Variants in PLCB1 observed in about 807,000 individuals in gnomAD.
PLCB1 encodes 1-phosphatidylinositol 4,5-bisphosphate phosphodiesterase beta-1.
A neutral mutation model predicts 161.8 loss-of-function variants in PLCB1; 46 were observed. That is an observed-to-expected ratio of 0.28 (90% CI 0.22 to 0.36). PLCB1 has a LOEUF of 0.36. Ranked by LOEUF, PLCB1 falls within the 10% of genes least tolerant of loss-of-function variation. The probability of loss-of-function intolerance (pLI) is 1.00; values close to 1 mark genes in which losing one functional copy is unlikely to be tolerated. For synonymous variants in PLCB1, 517 were observed against 503.7 expected (o/e 1.03, Z -0.35); for missense variants, 1,016 against 1,472.5 (o/e 0.69, Z 5.07).
intron 3 of PLCB1, among the ~76,000 whole-genome samples, chr20:8,479,978 A>T (rs1184276188): frequency 2.0e-5 from 3 of 152,206 alleles, no homozygotes; most frequent in Non-Finnish European, 4.4e-5. Context: ...TGTAATAGTG[A>T]TGGTGAACTA....
chr20:8,366,522 A>T (rs962969539), intron 2 of PLCB1, among the ~76,000 whole-genome samples: 4 of 152,242 alleles, frequency 2.6e-5, no homozygotes, highest in African/African-American at 9.6e-5. Flanking sequence ...TAAAAGTCCA[A>T]GGTCTTTTGT....
At chr20:8,323,841 T>C (rs543361267) in intron 2 of PLCB1, among the ~76,000 whole-genome samples, 1 of 149,320 alleles carries the variant, frequency 6.7e-6, no homozygotes, top group Non-Finnish European at 1.5e-5. Flanking sequence ...CTTAACCTAA[T>C]ACCATGCTTA....
At chr20:8,396,691 T>C (rs1987777137) in intron 3 of PLCB1, among the ~76,000 whole-genome samples, 1 of 152,112 alleles carries the variant, frequency 6.6e-6, no homozygotes, top group Non-Finnish European at 1.5e-5. Context: ...ATAAGTTGCC[T>C]TCGTGGTTTA....
chr20:8,612,398 G>A (rs1165896923), intron 3 of PLCB1, among the ~76,000 whole-genome samples: 1 of 152,140 alleles, frequency 6.6e-6, no homozygotes, highest in African/African-American at 2.4e-5. Context: ...CAGCTCTCAA[G>A]CCCTCATCTT....
chr20:8,539,641 T>TTTCTTTCTTTCTTTCTTTCC (rs1985209061), intron 3 of PLCB1, among the ~76,000 whole-genome samples: 15 of 51,150 alleles, frequency 2.9e-4, no homozygotes, highest in African/African-American at 1.3e-3. Context: ...TCTTTCTTTC[T>TTTCTTTCTTTCTTTCTTTCC]TTCTTTCTTT....
At chr20:8,825,329 G>A (rs1985640319) in intron 31 of PLCB1, among the ~76,000 whole-genome samples, 1 of 152,184 alleles carries the variant, frequency 6.6e-6, no homozygotes, top group South Asian at 2.1e-4. Context: ...GTAGGTATAG[G>A]GGATCGAAGA....
chr20:8,690,835 G>A (rs931329309), intron 10 of PLCB1, among the ~76,000 whole-genome samples: 1 of 152,168 alleles, frequency 6.6e-6, no homozygotes, highest in African/African-American at 2.4e-5. Context: ...ATCTTGGCCT[G>A]TACTCAGGAA....
intron 1 of PLCB1, among the ~76,000 whole-genome samples, chr20:8,149,050 T>C (rs2051482772): frequency 6.6e-6 from 1 of 152,210 alleles, no homozygotes; most frequent in African/African-American, 2.4e-5. Flanking sequence ...AAAGGCATAT[T>C]AGAAAAGAGT....
chr20:8,574,289 C>T lies in PLCB1; in HGVS notation c.247-54005C>T, dbSNP rs572441398. ...TGGCGAGCACCTGTAATCCCAGCTA[C>T]TCTGGAGGCTGTGGCAGGGGAATTG... On this transcript the variant is annotated intron_variant, in intron 3 of 31. Coordinates refer to ENST00000338037, the MANE Select transcript of PLCB1 (RefSeq NM_015192.4). Among the ~76,000 whole-genome samples the T allele has an allele frequency of 5.3e-4, 80 of 152,266 alleles. No homozygotes were observed. The South Asian group carries it at 0.015, about 28-fold the overall frequency.
At chr20:8,248,415 A>T (rs1172148204) in intron 2 of PLCB1, among the ~76,000 whole-genome samples, 3 of 151,874 alleles carry the variant, frequency 2.0e-5, no homozygotes, top group Non-Finnish European at 2.9e-5. Context: ...GTTGCCATCC[A>T]GATTACCATT....
chr20:8,441,362 G>T (rs1300692498), intron 3 of PLCB1, among the ~76,000 whole-genome samples: 2 of 152,096 alleles, frequency 1.3e-5, no homozygotes, highest in African/African-American at 4.8e-5. Context: ...TCTGAATTTG[G>T]TATGAATTTT....
chr20:8,856,059 C>G (rs1172162047), intron 31 of PLCB1, among the ~76,000 whole-genome samples: 2 of 152,122 alleles, frequency 1.3e-5, no homozygotes, highest in African/African-American at 2.4e-5. Flanking sequence ...TGGTTTCTCC[C>G]CCTCTGGTAC....
intron 18 of PLCB1, among the ~76,000 whole-genome samples, chr20:8,730,159 G>A (rs1482158732): frequency 6.6e-6 from 1 of 151,866 alleles, no homozygotes; most frequent in East Asian, 1.9e-4. Flanking sequence ...GATCAGGTCA[G>A]GCTGATTAAT....
At position 8,556,656 on chromosome 20, in the gene PLCB1, GGTGTGTGTGTGTGTGT is replaced by G. The variant is rs58160557; in HGVS notation, c.247-71607_247-71592del. Among the ~76,000 whole-genome samples, 984 of 141,852 alleles carry G rather than the reference GGTGTGTGTGTGTGTGT, an allele frequency of 6.9e-3. 12 individuals carry two copies. Among genetic ancestry groups the G allele is most frequent in the African/African-American group, 0.021 (815 of 38,594 alleles). 93.1% of individuals were successfully genotyped at this position (141,852 alleles called of 152,430 possible). On this transcript the variant is annotated intron_variant, in intron 3 of 31. Transcript: ENST00000338037. ...AAACAGCCAGGCTAGGAGAGGGTTG[GGTGTGTGTGTGTGTGT>G]GTGTGTGTGTGTGTGTGTGTGTGTG...
At chr20:8,159,278 A>G (rs557343228) in intron 2 of PLCB1, among the ~76,000 whole-genome samples, 1 of 152,310 alleles carries the variant, frequency 6.6e-6, no homozygotes, top group Non-Finnish European at 1.5e-5. Flanking sequence ...TGGTGCTTGC[A>G]CTTTCTGAAG....
intron 3 of PLCB1, among the ~76,000 whole-genome samples, chr20:8,506,579 A>G (rs1983646010): frequency 6.6e-6 from 1 of 152,226 alleles, no homozygotes; most frequent in African/African-American, 2.4e-5. Context: ...GTTAAAAAAG[A>G]CACCAAGTTC....
chr20:8,180,938 AGTGTGTGTGT>A (rs10604975), intron 2 of PLCB1, among the ~76,000 whole-genome samples: 30,582 of 149,564 alleles, frequency 0.2, 3,471 homozygotes, highest in African/African-American at 0.32. Context: ...ATAATGTAAA[AGTGTGTGTGT>A]GTGTGTGTGT....
intron 2 of PLCB1, among the ~76,000 whole-genome samples, chr20:8,206,262 A>G (rs929900149): frequency 6.6e-6 from 1 of 151,982 alleles, no homozygotes; most frequent in Non-Finnish European, 1.5e-5. Flanking sequence ...TCCTTCTCCC[A>G]TTTTCCTGCA....
At chr20:8,628,788 G>T (rs952295709) in intron 4 of PLCB1, among the ~76,000 whole-genome samples, 7 of 152,042 alleles carry the variant, frequency 4.6e-5, no homozygotes, top group African/African-American at 7.2e-5. Context: ...TACAAAATTA[G>T]CTGGGTGTGG....
Sources: gnomAD v4.1 joint callset for allele counts (sites outside exome capture counted in the v4.1 genomes callset) on GRCh38, gnomAD v4.1.1 for gene constraint, MANE v1.5 for transcripts, NCBI Gene and HGNC (gene_info 2026-07-23, HGNC 2026-07-21) for gene names.